CFAP77: variants seen among roughly 807,000 people sequenced by gnomAD.
CFAP77 encodes the protein cilia- and flagella-associated protein 77.
Under a neutral mutation model 31.1 loss-of-function variants are expected in CFAP77, and 25 were observed. The observed-to-expected ratio is 0.80, with a 90% CI of 0.59 to 1.12. The LOEUF is 1.12. Ranked by LOEUF, CFAP77 falls within the 50% of genes most tolerant of loss-of-function variation. The pLI, the probability that CFAP77 is intolerant of heterozygous loss-of-function variation, is 0.00. For missense variants in CFAP77, 377 were observed against 397.3 expected (o/e 0.95, Z 0.44); for synonymous variants, 151 against 159.9 (o/e 0.94, Z 0.42).
At chr9:132,461,350 T>C (rs1851046953) in intron 1 of CFAP77, among the ~76,000 whole-genome samples, 1 of 152,242 alleles carries the variant, frequency 6.6e-6, no homozygotes, top group Admixed American at 6.5e-5. Context: ...CAGGTCTCTC[T>C]GTCTTACGCC....
rs1355207430 is a variant in CFAP77 at position 132,511,176 on chromosome 9, G to A, written c.524+11576G>A. ...CAGTGCATGCTGTTTCTAGTGGGCA[G>A]AGGACCCAGGAGAGAGGGCACAAGG... On this transcript the variant is annotated intron_variant, in intron 3 of 5. Coordinates refer to ENST00000393216, the MANE Select transcript of CFAP77 (RefSeq NM_001282957.2). The surrounding 1 kb of genome is among the most constrained non-coding windows in gnomAD (Gnocchi z 5.8). Among the ~76,000 whole-genome samples, 1 of 152,174 alleles carries A rather than the reference G, an allele frequency of 6.6e-6. No homozygotes were observed. The highest frequency in any genetic ancestry group is 2.4e-5 in the African/African-American group (1 of 41,440).
At chr9:132,535,228 G>T (rs533692223) in intron 3 of CFAP77, among the ~76,000 whole-genome samples, 92 of 152,068 alleles carry the variant, frequency 6.0e-4, no homozygotes, top group African/African-American at 2.2e-3. Flanking sequence ...ATTTTATATA[G>T]GTATTTCTTT....
At chr9:132,460,063 T>G (rs1185500744) in intron 1 of CFAP77, among the ~76,000 whole-genome samples, 1 of 152,166 alleles carries the variant, frequency 6.6e-6, no homozygotes, top group East Asian at 1.9e-4. Context: ...GAGGACTTTG[T>G]AAGCAGAAGG....
At chr9:132,519,816 A>G (rs965197928) in intron 3 of CFAP77, among the ~76,000 whole-genome samples, 127 of 24,442 alleles carry the variant, frequency 5.2e-3, no homozygotes, top group Admixed American at 5.5e-3. Flanking sequence ...GGGTGGGTGG[A>G]TGGATGGATG....
At chr9:132,442,648 T>TGC (rs1416672826) in intron 1 of CFAP77, among the ~76,000 whole-genome samples, 1 of 152,148 alleles carries the variant, frequency 6.6e-6, no homozygotes, top group East Asian at 1.9e-4. Flanking sequence ...GAGATAATCA[T>TGC]GCCCATCTTT....
chr9:132,464,373 C>T (rs542083730), intron 1 of CFAP77, among the ~76,000 whole-genome samples: 6 of 151,944 alleles, frequency 3.9e-5, no homozygotes, highest in South Asian at 2.1e-4. Flanking sequence ...AAAAAAAAAC[C>T]GGACGAGGCA....
rs1201765329 is a variant in CFAP77 at position 132,480,634 on chromosome 9, C to T, written c.196-18061C>T. On this transcript the variant is annotated intron_variant, in intron 1 of 5. Coordinates refer to ENST00000393216, the MANE Select transcript of CFAP77 (RefSeq NM_001282957.2). This position sits in a 1 kb window ranked among gnomAD's most constrained non-coding sequence, Gnocchi z 5.8. Reference sequence around the variant, plus strand: ...TTGAATGATCCATTCATCTCAAAGACGTGGGTCCAGGAAGGAAAATAGGTG... The same window carrying T: ...TTGAATGATCCATTCATCTCAAAGATGTGGGTCCAGGAAGGAAAATAGGTG... 6.6e-6 allele frequency among the ~76,000 whole-genome samples: 1 copy of T among 152,198 alleles called. No homozygotes were observed. The highest frequency in any genetic ancestry group is 2.1e-4 in the South Asian group (1 of 4,826).
In CFAP77 at chr9:132,428,885, C is replaced by T. The variant is rs761906209; in HGVS notation, c.195+18419C>T. Among the ~76,000 whole-genome samples the T allele has an allele frequency of 7.5e-4, 114 of 152,138 alleles. 3 individuals carry two copies. The highest frequency in any genetic ancestry group is 2.2e-4 in the Non-Finnish European group (15 of 68,030). On this transcript the variant is annotated intron_variant, in intron 1 of 5. Transcript: ENST00000393216. ...TGGTCAGGGTCCCACCAGGCCCTCT[C>T]TGACCATTGGCTTCTGTCATATCTC...
intron 1 of CFAP77, among the ~76,000 whole-genome samples, chr9:132,479,467 C>A (rs973504130): frequency 6.6e-6 from 1 of 152,162 alleles, no homozygotes; most frequent in Non-Finnish European, 1.5e-5. Context: ...GGGGGCTGGG[C>A]CTGGTTTGGT....
At chr9:132,458,959 A>G (rs898102612) in intron 1 of CFAP77, among the ~76,000 whole-genome samples, 3 of 152,222 alleles carry the variant, frequency 2.0e-5, no homozygotes, top group Non-Finnish European at 4.4e-5. Context: ...CGCAGACTTG[A>G]TAACCAGACC....
At chr9:132,412,301 C>A (rs367620941) in intron 1 of CFAP77, among the ~76,000 whole-genome samples, 3 of 152,300 alleles carry the variant, frequency 2.0e-5, no homozygotes, top group African/African-American at 4.8e-5. Flanking sequence ...GATGATGGAG[C>A]CTGGGGTTCT....
chr9:132,432,625 G>A (rs1361493084), intron 1 of CFAP77, among the ~76,000 whole-genome samples: 5 of 151,690 alleles, frequency 3.3e-5, no homozygotes, highest in African/African-American at 7.3e-5. Flanking sequence ...TCTGCCTCCC[G>A]GGTTCAAGCA....
chr9:132,559,741 G>T (rs935170851), intron 5 of CFAP77, among the ~76,000 whole-genome samples: 9 of 152,166 alleles, frequency 5.9e-5, no homozygotes, highest in African/African-American at 2.2e-4. Flanking sequence ...TGTTCTAGAA[G>T]CATTACTCAT....
Position 132,467,722 on chromosome 9 carries a change from T to C in CFAP77, c.196-30973T>C, listed in dbSNP as rs749661815. Among the ~76,000 whole-genome samples the C allele has an allele frequency of 3.9e-5, 6 of 152,162 alleles. 1 individual carries two copies. Among genetic ancestry groups the C allele is most frequent in the African/African-American group, 1.4e-4 (6 of 41,426 alleles). Reference sequence around the variant, plus strand: ...TTTGGGTATCTACCCAAAAGTGGAATGGTAGAATCACACGGTAATTCTATA... The same window carrying C: ...TTTGGGTATCTACCCAAAAGTGGAACGGTAGAATCACACGGTAATTCTATA... On this transcript the variant is annotated intron_variant, in intron 1 of 5. Coordinates refer to ENST00000393216, the MANE Select transcript of CFAP77 (RefSeq NM_001282957.2).
intron 3 of CFAP77, among the ~76,000 whole-genome samples, chr9:132,530,136 C>CTTTTTTTTTTT (rs750962954): frequency 5.9e-3 from 548 of 93,200 alleles, no homozygotes; most frequent in Middle Eastern, 9.3e-3. Context: ...TCTTTCTTTT[C>CTTTTTTTTTTT]TTTTTTTTTT....
At chr9:132,463,728 C>T (rs1479143337) in intron 1 of CFAP77, among the ~76,000 whole-genome samples, 1 of 152,232 alleles carries the variant, frequency 6.6e-6, no homozygotes, top group Non-Finnish European at 1.5e-5. Context: ...TCCCATTCAG[C>T]CCAACCACCC....
At chr9:132,461,690 T>A (rs1851052328) in intron 1 of CFAP77, among the ~76,000 whole-genome samples, 2 of 152,170 alleles carry the variant, frequency 1.3e-5, no homozygotes, top group South Asian at 4.1e-4. Flanking sequence ...GCAGAACTGC[T>A]CCCCTGGGCC....
chr9:132,517,564 T>A lies in CFAP77; in HGVS notation c.524+17964T>A, dbSNP rs1341876012. ...ACCCAAGTCTCCCTTCTGAAACACC[T>A]TTCAACAAATGTGTACCTAAAGTCC... On this transcript the variant is annotated intron_variant, in intron 3 of 5. Coordinates refer to ENST00000393216, the MANE Select transcript of CFAP77 (RefSeq NM_001282957.2). The surrounding 1 kb of genome is among the most constrained non-coding windows in gnomAD (Gnocchi z 4.7). Among the ~76,000 whole-genome samples the A allele has an allele frequency of 1.3e-5, 2 of 152,240 alleles. No individual in the cohort carries two copies. The highest frequency in any genetic ancestry group is 2.4e-5 in the African/African-American group (1 of 41,458).
intron 3 of CFAP77, among the ~76,000 whole-genome samples, chr9:132,503,754 T>C (rs1442459421): frequency 6.6e-6 from 1 of 152,138 alleles, no homozygotes; most frequent in African/African-American, 2.4e-5. Flanking sequence ...AGTATGTTTA[T>C]ATTTAAAAAT....
Sources: gnomAD v4.1 joint callset for allele counts (sites outside exome capture counted in the v4.1 genomes callset) on GRCh38, gnomAD v4.1.1 for gene constraint, Gnocchi (gnomAD v3.1) non-coding constraint, MANE v1.5 for transcripts, NCBI Gene and HGNC (gene_info 2026-07-23, HGNC 2026-07-21) for gene names.